The following CDH13 variants were observed in gnomAD, a reference collection of about 807,000 sequenced individuals.
The protein encoded by CDH13 is cadherin 13.
CDH13 carries 24 observed loss-of-function variants against 63.8 expected under a neutral mutation model. The observed-to-expected ratio is 0.38, with a 90% CI of 0.27 to 0.53. CDH13 has a LOEUF of 0.53. Ranked by LOEUF, CDH13 falls within the 20% of genes least tolerant of loss-of-function variation. The pLI is 0.85. For synonymous variants in CDH13, 503 were observed against 355.3 expected (o/e 1.42, Z -4.67); for missense variants, 1,049 against 903.1 (o/e 1.16, Z -2.07).
chr16:83,339,557 A>G (rs2090676266), intron 5 of CDH13, among the ~76,000 whole-genome samples: 1 of 152,090 alleles, frequency 6.6e-6, no homozygotes, highest in South Asian at 2.1e-4. Flanking sequence ...TCTTATTAAT[A>G]ACACAAAAAC....
intron 8 of CDH13, among the ~76,000 whole-genome samples, chr16:83,644,900 C>T (rs770173546): frequency 6.6e-6 from 1 of 152,230 alleles, no homozygotes; most frequent in Non-Finnish European, 1.5e-5. Flanking sequence ...TGCTTTGCAG[C>T]TGTAGCTCCT....
chr16:83,452,675 G>A (rs533201873), intron 6 of CDH13, among the ~76,000 whole-genome samples: 6 of 152,192 alleles, frequency 3.9e-5, no homozygotes, highest in African/African-American at 1.4e-4. Flanking sequence ...AAAGAAGCTT[G>A]CAATTAAATA....
chr16:82,898,154 A>G (rs917555019), intron 2 of CDH13, among the ~76,000 whole-genome samples: 1 of 152,238 alleles, frequency 6.6e-6, no homozygotes, highest in African/African-American at 2.4e-5. Context: ...TTGGTCATAT[A>G]ATGTTAAACG....
intron 10 of CDH13, among the ~76,000 whole-genome samples, chr16:83,694,857 GA>G (rs1567521824): frequency 6.6e-6 from 1 of 152,126 alleles, no homozygotes; most frequent in Non-Finnish European, 1.5e-5. Flanking sequence ...AGGGGATACC[GA>G]AAAACTCAAT....
At chr16:83,422,534 T>A (rs1429592424) in intron 6 of CDH13, among the ~76,000 whole-genome samples, 1 of 152,232 alleles carries the variant, frequency 6.6e-6, no homozygotes, top group Non-Finnish European at 1.5e-5. Flanking sequence ...ACGAATTAAT[T>A]AATACTTACG....
In CDH13 at chr16:82,634,257, G is replaced by A. The variant is rs184676269; in HGVS notation, c.45+7120G>A. On this transcript the variant is annotated intron_variant, in intron 1 of 13. Transcript: ENST00000567109. Reference sequence around the variant, plus strand: ...GTGGCAGCTTCCATCCTTGCCTTACGGGGCCTTCAGGCCAATGTCTCTTTC... The same window carrying A: ...GTGGCAGCTTCCATCCTTGCCTTACAGGGCCTTCAGGCCAATGTCTCTTTC... 1.8e-4 allele frequency among the ~76,000 whole-genome samples: 27 copies of A among 152,324 alleles called. 1 individual carries two copies. The highest frequency in any genetic ancestry group is 3.6e-4 in the African/African-American group (15 of 41,560).
rs569676041 is a variant in CDH13 at position 83,045,230 on chromosome 16, C to G, written c.366+13012C>G. Among the ~76,000 whole-genome samples, 15 of 152,288 alleles carry G rather than the reference C, an allele frequency of 9.8e-5. 1 individual carries two copies. The South Asian group carries it at 1.7e-3, about 17-fold the overall frequency. The stretch of plus-strand genomic sequence containing the variant: ...GAAATTTTAGGCAAGTAGACAAGTC[C>G]TGTGTCATCATGACCCATTAATAAA... On this transcript the variant is annotated intron_variant, in intron 3 of 13. Coordinates refer to ENST00000567109, the MANE Select transcript of CDH13 (RefSeq NM_001257.5).
chr16:82,856,425 G>A (rs2039696362), intron 1 of CDH13, among the ~76,000 whole-genome samples: 1 of 148,014 alleles, frequency 6.8e-6, no homozygotes, highest in Admixed American at 6.8e-5. Context: ...ATACTAGCTG[G>A]GTGCAGTGGC....
At chr16:82,660,499 A>G (rs540063061) in intron 1 of CDH13, among the ~76,000 whole-genome samples, 1 of 152,276 alleles carries the variant, frequency 6.6e-6, no homozygotes, top group South Asian at 2.1e-4. Flanking sequence ...TCCACAAACC[A>G]TCTAACAGAG....
intron 3 of CDH13, among the ~76,000 whole-genome samples, chr16:83,108,824 C>G (rs550231352): frequency 6.6e-6 from 1 of 152,304 alleles, no homozygotes; most frequent in Admixed American, 6.5e-5. Context: ...TAGGAGAGTC[C>G]TCAGTAAATG....
intron 5 of CDH13, among the ~76,000 whole-genome samples, chr16:83,285,751 C>T (rs1032703817): frequency 2.6e-5 from 4 of 151,994 alleles, no homozygotes; most frequent in South Asian, 2.1e-4. Flanking sequence ...CCAATATCTG[C>T]GGGTACCAAG....
At chr16:82,894,577 G>A (rs899876733) in intron 2 of CDH13, among the ~76,000 whole-genome samples, 4 of 152,188 alleles carry the variant, frequency 2.6e-5, no homozygotes, top group Non-Finnish European at 5.9e-5. Context: ...AGGAGACAGA[G>A]GTTGCAGTGA....
chr16:83,497,158 T>A (rs1166404595), intron 7 of CDH13, among the ~76,000 whole-genome samples: 2 of 152,284 alleles, frequency 1.3e-5, no homozygotes, highest in Admixed American at 1.3e-4. Context: ...ATCCCATTAC[T>A]GGGTATATAC....
intron 1 of CDH13, among the ~76,000 whole-genome samples, chr16:82,837,749 A>G (rs2038830316): frequency 6.6e-6 from 1 of 152,212 alleles, no homozygotes; most frequent in South Asian, 2.1e-4. Flanking sequence ...GGTCACGTAG[A>G]CAGCCTCTGC....
At chr16:83,211,351 A>C (rs1297322752) in intron 4 of CDH13, among the ~76,000 whole-genome samples, 1 of 152,160 alleles carries the variant, frequency 6.6e-6, no homozygotes, top group Non-Finnish European at 1.5e-5. Flanking sequence ...GTAAATCTAA[A>C]ATTACCACCC....
At chr16:83,326,166 G>T (rs1380889712) in intron 5 of CDH13, among the ~76,000 whole-genome samples, 5 of 152,106 alleles carry the variant, frequency 3.3e-5, no homozygotes, top group African/African-American at 1.2e-4. Flanking sequence ...CATCTTTCCA[G>T]AACATGAGAT....
chr16:83,235,854 GTCAC>G (rs745531149), intron 5 of CDH13, among the ~76,000 whole-genome samples: 54 of 151,628 alleles, frequency 3.6e-4, no homozygotes, highest in Non-Finnish European at 7.1e-4. Flanking sequence ...TTTCTTTTTT[GTCAC>G]TCACTGCATT....
chr16:82,822,029 T>C lies in CDH13; in HGVS notation c.46-36333T>C, dbSNP rs1597705492. 3.3e-5 allele frequency among the ~76,000 whole-genome samples: 5 copies of C among 152,318 alleles called. No homozygotes were observed. The South Asian group carries it at 1.0e-3, about 32-fold the overall frequency. On this transcript the variant is annotated intron_variant, in intron 1 of 13. Transcript: ENST00000567109. ...TAGTAATGCCTATGGCTATTGGGTA[T>C]TGAGTTCTTACTACAGGATAGACCC...
intron 1 of CDH13, among the ~76,000 whole-genome samples, chr16:82,666,819 C>A (rs924732984): frequency 6.6e-6 from 1 of 152,076 alleles, no homozygotes; most frequent in Non-Finnish European, 1.5e-5. Flanking sequence ...ACATTTAATC[C>A]CAGAGCCAGC....
Sources: allele counts gnomAD v4.1 joint callset (sites outside exome capture counted in the v4.1 genomes callset), GRCh38; gene constraint gnomAD v4.1.1; transcripts MANE v1.5; gene names NCBI Gene and HGNC (gene_info 2026-07-23, HGNC 2026-07-21).